The following DHX30 variants were observed in gnomAD, a reference collection of about 807,000 sequenced individuals.
DHX30 encodes ATP-dependent RNA helicase DHX30.
DHX30 carries 4 observed loss-of-function variants against 116.9 expected under a neutral mutation model. That is an observed-to-expected ratio of 0.03 (90% confidence interval 0.02 to 0.08). The LOEUF is 0.08. Among genes scored for constraint, DHX30 ranks in the 10% least tolerant of loss-of-function variants. The probability of loss-of-function intolerance (pLI) is 1.00; values close to 1 mark genes in which losing one functional copy is unlikely to be tolerated. For synonymous variants in DHX30, 697 were observed against 651.7 expected, an observed-to-expected ratio of 1.07 and a Z score of -1.06; for missense variants, 871 against 1,595.1, an observed-to-expected ratio of 0.55 and a Z score of 7.73.
chr3:47,803,609 T>G (rs1030947882), intron 1 of DHX30, among the ~76,000 whole-genome samples: 1 of 152,146 alleles, frequency 6.6e-6, no homozygotes. Context: ...CCGAGACCTT[T>G]GTCTACTTCT....
intron 3 of DHX30, among the ~76,000 whole-genome samples, chr3:47,815,121 C>T (rs1321080683): frequency 6.6e-6 from 1 of 152,098 alleles, no homozygotes; most frequent in Non-Finnish European, 1.5e-5. Flanking sequence ...TGATGTGAAG[C>T]TTGAGGTTCC....
chr3:47,828,156 G>GA (rs1272353270), intron 5 of DHX30, among the ~76,000 whole-genome samples: 1 of 151,976 alleles, frequency 6.6e-6, no homozygotes, highest in Non-Finnish European at 1.5e-5. Flanking sequence ...CAGTCTGGAT[G>GA]ATTTTTAAAG....
In DHX30 at chr3:47,846,407, C is replaced by T. The variant is rs377122162; in HGVS notation, c.1335C>T (p.Asn445=). ...ACCCACATCGGGACACCATCCTCAACGCCATTGAGCAGCACCCGGTGGTGG... is the reference window on the plus strand; with the variant it reads ...ACCCACATCGGGACACCATCCTCAATGCCATTGAGCAGCACCCGGTGGTGG... ...PVDPHRDTIL[N]AIEQHPVVVI... The change falls in exon 11 of 22, where the codon AAC becomes AAT. Residue 445 remains asparagine (N), a synonymous_variant. Coordinates refer to ENST00000445061, the MANE Select transcript of DHX30 (RefSeq NM_138615.3). 49 of 1,614,024 alleles carry T rather than the reference C, an allele frequency of 3.0e-5. No homozygotes were observed. Among genetic ancestry groups the T allele is most frequent in the Non-Finnish European group, 3.9e-5 (46 of 1,180,048 alleles).
intron 2 of DHX30, among the ~76,000 whole-genome samples, chr3:47,805,694 A>T (rs2035484095): frequency 6.6e-6 from 1 of 151,962 alleles, no homozygotes; most frequent in African/African-American, 2.4e-5. Context: ...GCCTGCCACC[A>T]TGCCCAGCTG....
Position 47,827,456 on chromosome 3 carries a change from C to T in DHX30, c.234C>T (p.His78=). ...SHAKDKLVYV[H]TNGPKKKKVT... is the part of the protein sequence containing the mutation. ...CAAAAGACAAACTAGTCTACGTGCACACAAATGGACCGAAGAAAAAGGTAA... is the reference window on the plus strand; with the variant it reads ...CAAAAGACAAACTAGTCTACGTGCATACAAATGGACCGAAGAAAAAGGTAA... Residue 78 remains histidine (H), a synonymous_variant, in exon 5 of 22, where the codon CAC becomes CAT. Coordinates refer to ENST00000445061, the MANE Select transcript of DHX30 (RefSeq NM_138615.3). The T allele has an allele frequency of 1.2e-6, 2 of 1,612,824 alleles. No individual in the cohort carries two copies. The highest frequency in any genetic ancestry group is 1.7e-6 in the Non-Finnish European group (2 of 1,179,594).
Position 47,818,329 on chromosome 3 carries a change from GTCT to G in DHX30, c.124+217_124+219del, listed in dbSNP as rs1232142681. Among the ~76,000 whole-genome samples, 4 of 152,204 alleles carry G rather than the reference GTCT, an allele frequency of 2.6e-5. No homozygotes were observed. The South Asian group carries it at 8.3e-4, about 32-fold the overall frequency. ...CTTGACTCATGGCCTGGACCCTGCAGTCTTCTTGGGCCTCCTTGTGTGGCCTGG... is the reference window on the plus strand; with the variant it reads ...CTTGACTCATGGCCTGGACCCTGCAGTCTTGGGCCTCCTTGTGTGGCCTGG... On this transcript the variant is annotated intron_variant, in intron 4 of 21. Coordinates refer to ENST00000445061, the MANE Select transcript of DHX30 (RefSeq NM_138615.3).
intron 4 of DHX30, chr3:47,819,377 C>A: frequency 1.0e-6 from 1 of 996,500 alleles, no homozygotes; most frequent in Non-Finnish European, 1.5e-6. Context: ...CGGAGGAGAA[C>A]ACTGATCGCA....
intron 4 of DHX30, among the ~76,000 whole-genome samples, chr3:47,818,783 A>G (rs976875955): frequency 2.0e-5 from 3 of 152,030 alleles, no homozygotes; most frequent in Non-Finnish European, 4.4e-5. Flanking sequence ...AGACTTATTA[A>G]TATACCTTTT....
chr3:47,834,737 G>A (rs2037027372), intron 6 of DHX30, among the ~76,000 whole-genome samples: 1 of 152,184 alleles, frequency 6.6e-6, no homozygotes, highest in Non-Finnish European at 1.5e-5. Flanking sequence ...TGGGATTACA[G>A]GCATGAGCCA....
Position 47,846,752 on chromosome 3 carries a change from G to A in DHX30, c.1680G>A (p.Glu560=). The change falls in exon 11 of 22, where the codon GAG becomes GAA. Residue 560 remains glutamate (E), a synonymous_variant. Transcript: ENST00000445061. ...GCGTGAGCCACGTCATCGTGGATGA[G>A]GTGCATGAGCGGGACGTGAACACAG... ...LEGVSHVIVD[E]VHERDVNTDF... is the part of the protein sequence containing the mutation. 1 of 1,614,058 alleles carries A rather than the reference G, an allele frequency of 6.2e-7. No individual in the cohort carries two copies. Among genetic ancestry groups the A allele is most frequent in the Non-Finnish European group, 8.5e-7 (1 of 1,180,034 alleles).
chr3:47,818,302 C>T (rs1435824113), intron 4 of DHX30, among the ~76,000 whole-genome samples, 185 bp downstream of exon 4: 4 of 152,176 alleles, frequency 2.6e-5, no homozygotes, highest in Non-Finnish European at 4.4e-5. Flanking sequence ...TTTTCATGAT[C>T]CCTTGACTCA....
intron 20 of DHX30, 28 bp from the exon 21 acceptor site, chr3:47,849,602 G>T (rs766946771): frequency 1.9e-6 from 3 of 1,614,140 alleles, no homozygotes; most frequent in Non-Finnish European, 2.5e-6. Context: ...GTCCAAAAGG[G>T]TGGCCTCACC....
At chr3:47,810,545 A>G in intron 2 of DHX30, 112 bp from the exon 3 acceptor site, 3 of 824,374 alleles carry the variant, frequency 3.6e-6, no homozygotes, top group Non-Finnish European at 4.0e-6. Flanking sequence ...ATTAGTGAAG[A>G]GTTTCATTTT....
intron 4 of DHX30, chr3:47,819,220 C>T: frequency 2.2e-6 from 3 of 1,367,696 alleles, no homozygotes; most frequent in Non-Finnish European, 2.9e-6. Context: ...CTTAAAATGC[C>T]CTGTAACTCG....
chr3:47,823,619 C>T (rs1206190668), intron 4 of DHX30, among the ~76,000 whole-genome samples: 1 of 152,194 alleles, frequency 6.6e-6, no homozygotes, highest in Non-Finnish European at 1.5e-5. Context: ...GCCTCAGCCT[C>T]CCAGAGTGCT....
chr3:47,812,151 C>G (rs1396047880), intron 3 of DHX30, among the ~76,000 whole-genome samples: 1 of 149,640 alleles, frequency 6.7e-6, no homozygotes, highest in Non-Finnish European at 1.5e-5. Flanking sequence ...ATCGCTTGAA[C>G]CTGGGAGACG....
intron 4 of DHX30, among the ~76,000 whole-genome samples, chr3:47,820,365 G>A (rs1009615599): frequency 1.3e-5 from 2 of 151,906 alleles, no homozygotes; most frequent in Non-Finnish European, 2.9e-5. Context: ...CCATGAGGAC[G>A]GATGACCTGG....
At chr3:47,824,881 A>T in intron 4 of DHX30, 1 of 467,292 alleles carries the variant, frequency 2.1e-6, no homozygotes. Flanking sequence ...CTGAAGGCCC[A>T]GGGCTGTGGT....
chr3:47,840,746 G>A, intron 6 of DHX30, 131 bp from the exon 7 acceptor site: 1 of 1,091,008 alleles, frequency 9.2e-7, no homozygotes, highest in Non-Finnish European at 1.3e-6. Context: ...TCTGGACTAG[G>A]GGCTGAAGTG....
Sources: gnomAD v4.1 joint callset for allele counts (sites outside exome capture counted in the v4.1 genomes callset) on GRCh38, gnomAD v4.1.1 for gene constraint, MANE v1.5 for transcripts, NCBI Gene and HGNC (gene_info 2026-07-23, HGNC 2026-07-21) for gene names.